The following GLMN variants were observed in gnomAD, a reference collection of about 807,000 sequenced individuals.
GLMN encodes glomulin, FKBP associated protein, also known as glomulin.
A neutral mutation model predicts 87.8 loss-of-function variants in GLMN; 75 were observed. The ratio of observed to expected loss-of-function variants is 0.85; its 90% CI spans 0.71 to 1.04. The LOEUF (loss-of-function observed/expected upper bound fraction) is 1.04. GLMN is among the 50% of genes least tolerant of loss of function. The probability of loss-of-function intolerance (pLI) is 0.00; values close to 1 mark genes in which losing one functional copy is unlikely to be tolerated. For synonymous variants in GLMN, 206 were observed against 221.6 expected (o/e 0.93, Z 0.63); for missense variants, 588 against 658.8 (o/e 0.89, Z 1.18).
the GLMN span, among the ~76,000 whole-genome samples, chr1:92,345,369 C>A: frequency 7.8e-6 from 1 of 128,958 alleles, no homozygotes; most frequent in East Asian, 2.1e-4. Context: ...ATAGCAAGAC[C>A]CCGTTTCTTT....
At chr1:92,283,919 T>C (rs2101004292) in intron 7 of GLMN, among the ~76,000 whole-genome samples, 1 of 152,250 alleles carries the variant, frequency 6.6e-6, no homozygotes, top group African/African-American at 2.4e-5. Flanking sequence ...ACACGGGATG[T>C]GAAGGACCTC....
At chr1:92,348,784 C>T in the GLMN span, among the ~76,000 whole-genome samples, 2 of 152,188 alleles carry the variant, frequency 1.3e-5, no homozygotes, top group Admixed American at 6.5e-5. Context: ...CCATTGACTT[C>T]TATAAAGTAT....
chr1:92,360,003 T>A, the GLMN span, among the ~76,000 whole-genome samples: 2 of 3,778 alleles, frequency 5.3e-4, no homozygotes, highest in Non-Finnish European at 7.7e-4. Flanking sequence ...AGTCTGGTAA[T>A]TTGGTAGTGT....
chr1:92,357,122 A>ACAC, the GLMN span, among the ~76,000 whole-genome samples: 2 of 139,574 alleles, frequency 1.4e-5, no homozygotes, highest in African/African-American at 5.6e-5. Context: ...CACACACACA[A>ACAC]ACAGATGTTT....
chr1:92,320,007 AAAAAAG>A, the GLMN span, among the ~76,000 whole-genome samples: 3 of 152,112 alleles, frequency 2.0e-5, no homozygotes, highest in African/African-American at 4.8e-5. Context: ...TCAAAAAAAA[AAAAAAG>A]AAAAAGAAAA....
the GLMN span, among the ~76,000 whole-genome samples, chr1:92,341,305 G>C: frequency 6.6e-6 from 1 of 151,902 alleles, no homozygotes; most frequent in African/African-American, 2.4e-5. Flanking sequence ...CACCATACCT[G>C]GCCTGAAAAA....
At chr1:92,331,883 AAG>A in the GLMN span, among the ~76,000 whole-genome samples, 1 of 152,244 alleles carries the variant, frequency 6.6e-6, no homozygotes, top group Middle Eastern at 3.4e-3. Context: ...TCACTTTTGA[AAG>A]ATATTTTTCT....
At chr1:92,359,421 G>A in the GLMN span, among the ~76,000 whole-genome samples, 1 of 152,216 alleles carries the variant, frequency 6.6e-6, no homozygotes, top group Non-Finnish European at 1.5e-5. Flanking sequence ...CCAGGTTCAA[G>A]CAATTCTCCG....
chr1:92,313,443 CTTT>C, the GLMN span, among the ~76,000 whole-genome samples: 1 of 145,100 alleles, frequency 6.9e-6, no homozygotes, highest in African/African-American at 2.5e-5. Context: ...GGAAAGGAAT[CTTT>C]TTTTTTTTTT....
the GLMN span, among the ~76,000 whole-genome samples, chr1:92,354,248 G>T: frequency 7.9e-5 from 12 of 152,266 alleles, no homozygotes; most frequent in African/African-American, 2.2e-4. Flanking sequence ...TAGCATCGGG[G>T]TCTGCCACTA....
rs1273619991 is a variant in GLMN, at chr1:92,262,913, A to G, written c.1423T>C (p.Leu475=). The change falls in exon 16 of 19, where the codon TTA becomes CTA. Residue 475 remains leucine (L), a synonymous_variant. Coordinates refer to ENST00000370360, the MANE Select transcript of GLMN (RefSeq NM_053274.3). ...LQNSDRIMAS[L]NLLRYLVIKD... ...ATAACCAAATACCTCAATAAATTTAATGAAGCCATAATCCTGTTAATTAAA... is the reference window on the plus strand; with the variant it reads ...ATAACCAAATACCTCAATAAATTTAGTGAAGCCATAATCCTGTTAATTAAA... 2 of 1,120,410 alleles carry G rather than the reference A, an allele frequency of 1.8e-6. No homozygotes were observed. The highest frequency in any genetic ancestry group is 1.2e-5 in the South Asian group (1 of 81,310). 69.4% of individuals were successfully genotyped at this position (1,120,410 alleles called of 1,614,324 possible).
At chr1:92,251,794 C>CTT (rs35251154) in intron 16 of GLMN, among the ~76,000 whole-genome samples, 15 of 142,992 alleles carry the variant, frequency 1.0e-4, no homozygotes, top group Admixed American at 4.9e-4. Flanking sequence ...ATTCCCAAAA[C>CTT]TTTTTTTTTT....
chr1:92,254,613 C>T lies in GLMN; in HGVS notation c.1474-6624G>A, dbSNP rs113954058. Reference sequence around the variant, plus strand: ...GCCAGAAGACAGTGGGGGCCAATATCTTAAAAAAAAGAATTTTCAACCCAG... The same window carrying T: ...GCCAGAAGACAGTGGGGGCCAATATTTTAAAAAAAAGAATTTTCAACCCAG... On this transcript the variant is annotated intron_variant, in intron 16 of 18. Coordinates refer to ENST00000370360, the MANE Select transcript of GLMN (RefSeq NM_053274.3). Among the ~76,000 whole-genome samples the T allele has an allele frequency of 7.0e-3, 1,051 of 150,212 alleles. 12 individuals are homozygous for T. Among genetic ancestry groups the T allele is most frequent in the African/African-American group, 0.024 (1,006 of 41,290 alleles).
intron 16 of GLMN, among the ~76,000 whole-genome samples, chr1:92,261,027 A>G (rs1654985781): frequency 6.6e-6 from 1 of 152,196 alleles, no homozygotes; most frequent in African/African-American, 2.4e-5. Flanking sequence ...AAGTCAGATA[A>G]TCTCTCAAGT....
At chr1:92,301,549 CT>C, upstream of GLMN, 1 of 1,572,998 alleles carries the variant, frequency 6.4e-7, no homozygotes, top group Non-Finnish European at 8.6e-7. Context: ...TGTTGAACAG[CT>C]TTTAGAGGAG....
At chr1:92,264,475 T>G (rs2100878380) in intron 14 of GLMN, 79 bp downstream of exon 14, 1 of 731,162 alleles carries the variant, frequency 1.4e-6, no homozygotes, top group East Asian at 2.6e-5. Flanking sequence ...GAGCAATAAC[T>G]CACATTAATG....
intron 16 of GLMN, among the ~76,000 whole-genome samples, chr1:92,249,242 C>T (rs948898787): frequency 4.7e-5 from 7 of 149,072 alleles, no homozygotes; most frequent in African/African-American, 1.7e-4. Context: ...AGTATATCAA[C>T]AACGGTGTAA....
At chr1:92,318,103 G>A in the GLMN span, among the ~76,000 whole-genome samples, 4 of 152,078 alleles carry the variant, frequency 2.6e-5, no homozygotes, top group Admixed American at 1.3e-4. Context: ...GTTTTCTTGA[G>A]CTCTACAGTC....
At chr1:92,345,883 TG>T in the GLMN span, 8 of 1,606,282 alleles carry the variant, frequency 5.0e-6, no homozygotes, top group South Asian at 8.8e-5. Context: ...ACCTGCGGAA[TG>T]GACTTTAATT....
Sources: allele counts gnomAD v4.1 joint callset (sites outside exome capture counted in the v4.1 genomes callset), GRCh38; gene constraint gnomAD v4.1.1; transcripts MANE v1.5; gene names NCBI Gene and HGNC (gene_info 2026-07-23, HGNC 2026-07-21).